The following CRACDL variants were observed in gnomAD, a reference collection of about 807,000 sequenced individuals.
CRACDL encodes the protein CRACD like, also known as CRACD-like protein.
A neutral mutation model predicts 70.6 loss-of-function variants in CRACDL; 26 were observed. The observed-to-expected ratio is 0.37, with a 90% confidence interval of 0.27 to 0.51. The LOEUF (loss-of-function observed/expected upper bound fraction) is 0.51. Among genes scored for constraint, CRACDL ranks in the 20% least tolerant of loss-of-function variants. The pLI, the probability that CRACDL is intolerant of heterozygous loss-of-function variation, is 0.94. For synonymous variants in CRACDL, 618 were observed against 615.2 expected, an observed-to-expected ratio of 1.00 and a Z score of -0.07; for missense variants, 1,283 against 1,376.9, an observed-to-expected ratio of 0.93 and a Z score of 1.08.
chr2:98,823,069 A>G lies in CRACDL; in HGVS notation c.1204T>C (p.Phe402Leu). 1 of 1,569,014 alleles carries G rather than the reference A, an allele frequency of 6.4e-7. No homozygotes were observed. The highest frequency in any genetic ancestry group is 8.6e-7 in the Non-Finnish European group (1 of 1,160,896). The change falls in exon 7 of 10, where the codon TTT becomes CTT. Residue 402 changes from phenylalanine to leucine, a missense_variant. Around this residue, in one of 2 missense-constraint regions of CRACDL, gnomAD observed 921 missense variants for 881.9 expected, o/e 1.04. Transcript: ENST00000397899. The surrounding 1 kb of genome is among the most constrained non-coding windows in gnomAD (Gnocchi z 4.0). ...TCCCCCTCAGGGATGGCGGTGGGAA[A>G]CGGGCTCGCGACGTCTTCGGGAGCA... ...VCAPEDVASP[F>L]PTAIPEGDTT... is the part of the protein sequence containing the mutation.
At chr2:98,864,465 C>A (rs1707053580) in intron 1 of CRACDL, among the ~76,000 whole-genome samples, 2 of 151,578 alleles carry the variant, frequency 1.3e-5, no homozygotes, top group South Asian at 4.2e-4. Context: ...CACAAGGTTT[C>A]TTTCTGGGGA....
chr2:98,817,115 TACATGATC>T (rs1250730620), intron 7 of CRACDL, among the ~76,000 whole-genome samples: 1 of 152,222 alleles, frequency 6.6e-6, no homozygotes, highest in Non-Finnish European at 1.5e-5. Context: ...GGACAAGTAT[TACATGATC>T]ACATTTCTAT....
rs200373942 is a variant in CRACDL, at chr2:98,906,260, C to CTT, written c.-11+29676_-11+29677dup. Among the ~76,000 whole-genome samples, 14 of 139,172 alleles carry CTT rather than the reference C, an allele frequency of 1.0e-4. No individual in the cohort carries two copies. In the East Asian group the frequency reaches 1.7e-3, roughly 17 times the overall value. 91.3% of individuals were successfully genotyped at this position (139,172 alleles called of 152,430 possible). A position where few individuals can be genotyped will look rare whatever the true frequency, so the allele number is the denominator to read the frequency against. On this transcript the variant is annotated intron_variant, in intron 1 of 9. Transcript: ENST00000397899. ...TGAATTCTTTTTATTTTTTCTTTTC[C>CTT]TTTTTTTTTTTTTTTTGTTTGAGAC...
chr2:98,821,075 A>G (rs1245840891), intron 7 of CRACDL, among the ~76,000 whole-genome samples: 1 of 152,222 alleles, frequency 6.6e-6, no homozygotes, highest in Non-Finnish European at 1.5e-5. Context: ...TGAGAGTCCT[A>G]TCAAAATCAG....
intron 5 of CRACDL, among the ~76,000 whole-genome samples, chr2:98,831,081 C>T (rs1257317844): frequency 2.6e-5 from 4 of 152,192 alleles, no homozygotes; most frequent in African/African-American, 9.7e-5. Context: ...TCGGTGAAGT[C>T]TATGAAATAG....
rs570569883 is a variant in CRACDL at position 98,900,987 on chromosome 2, C to T, written c.-11+34951G>A. On this transcript the variant is annotated intron_variant, in intron 1 of 9. Coordinates refer to ENST00000397899, the MANE Select transcript of CRACDL (RefSeq NM_207362.3). ...GGAAGTCAAGCTCCAGAGGAAGGAG[C>T]GCTGAGCCCTTCCCCTCACTTAGGA... Among the ~76,000 whole-genome samples the T allele has an allele frequency of 4.6e-5, 7 of 152,318 alleles. No individual in the cohort carries two copies. In the South Asian group the frequency reaches 1.4e-3, roughly 32 times the overall value.
chr2:98,797,467 G>A lies in CRACDL; in HGVS notation c.2487C>T (p.Val829=). ...DGQPAPPWIT[V]TRQKRRGTLD... is the part of the protein sequence containing the mutation. The stretch of plus-strand genomic sequence containing the variant: ...AGGTCCCCCTCCGCTTCTGCCGAGT[G>A]ACGGTGATCCAGGGTGGCGCAGGCT... Residue 829 remains valine (V), a synonymous_variant, in exon 8 of 10, where the codon GTC becomes GTT. Coordinates refer to ENST00000397899, the MANE Select transcript of CRACDL (RefSeq NM_207362.3). 1 of 1,614,256 alleles carries A rather than the reference G, an allele frequency of 6.2e-7. No individual in the cohort carries two copies. Among genetic ancestry groups the A allele is most frequent in the East Asian group, 2.2e-5 (1 of 44,888 alleles).
chr2:98,903,609 C>T (rs192966948), intron 1 of CRACDL, among the ~76,000 whole-genome samples: 122 of 152,314 alleles, frequency 8.0e-4, no homozygotes, highest in Admixed American at 4.2e-3. Flanking sequence ...ATTTAAACTA[C>T]TGCAAACACT....
At chr2:98,886,892 G>A (rs944398041) in intron 1 of CRACDL, among the ~76,000 whole-genome samples, 11 of 152,214 alleles carry the variant, frequency 7.2e-5, no homozygotes, top group African/African-American at 2.4e-4. Context: ...CACATATAGG[G>A]AGCCCAGTCA....
intron 1 of CRACDL, among the ~76,000 whole-genome samples, chr2:98,909,556 G>A (rs1708494231): frequency 6.6e-6 from 1 of 152,190 alleles, no homozygotes; most frequent in Non-Finnish European, 1.5e-5. Context: ...AAATTGAGCT[G>A]TCAGGCTGCA....
intron 1 of CRACDL, among the ~76,000 whole-genome samples, chr2:98,910,073 G>C (rs183260233): frequency 6.6e-6 from 1 of 152,246 alleles, no homozygotes; most frequent in East Asian, 1.9e-4. Context: ...ACCTCGGAAG[G>C]ATGGCTCTGT....
chr2:98,902,145 G>A (rs1029930161), intron 1 of CRACDL, among the ~76,000 whole-genome samples: 4 of 152,180 alleles, frequency 2.6e-5, no homozygotes, highest in Non-Finnish European at 4.4e-5. Flanking sequence ...GAAACAGCTC[G>A]CAAATGAGAT....
rs1414165339 is a variant in CRACDL, at chr2:98,823,405, C to T, written c.868G>A (p.Gly290Ser). The change falls in exon 7 of 10, where the codon GGC becomes AGC. Residue 290 changes from glycine (G) to serine (S), a missense_variant. Coordinates refer to ENST00000397899, the MANE Select transcript of CRACDL (RefSeq NM_207362.3). This position sits in a 1 kb window ranked among gnomAD's most constrained non-coding sequence, Gnocchi z 4.0. ...GGCGCCGGTGGCCCAGGCTCAGGGC[C>T]TCTGTCTGGCGCCACGTCCTGCTGC... is the stretch of plus-strand genomic sequence containing the variant. ...SGQQDVAPDR[G>S]PEPGPPAPLP... The T allele has an allele frequency of 3.2e-6, 5 of 1,559,546 alleles. No homozygotes were observed. Among genetic ancestry groups the T allele is most frequent in the Middle Eastern group, 1.8e-4 (1 of 5,646 alleles).
At chr2:98,859,409 A>G (rs1483699018) in intron 1 of CRACDL, among the ~76,000 whole-genome samples, 1 of 152,216 alleles carries the variant, frequency 6.6e-6, no homozygotes, top group East Asian at 1.9e-4. Flanking sequence ...AAACTCCTCA[A>G]CAGAATACTG....
rs1374661973 is a variant in CRACDL at position 98,822,475 on chromosome 2, G to A, written c.1798C>T (p.Leu600Phe). The A allele has an allele frequency of 4.8e-6, 7 of 1,472,574 alleles. No individual in the cohort carries two copies. The highest frequency in any genetic ancestry group is 6.2e-6 in the Non-Finnish European group (7 of 1,120,012). The allele number at this position is 1,472,574 out of a possible 1,614,324, so 91.2% of individuals were successfully genotyped here. A position where few individuals can be genotyped will look rare whatever the true frequency, so the allele number is the denominator to read the frequency against. Residue 600 changes from leucine (L) to phenylalanine (F), a missense_variant, in exon 7 of 10, where the codon CTC becomes TTC. Physicochemically the swap from Leu to Phe is conservative, Grantham distance 22. Coordinates refer to ENST00000397899, the MANE Select transcript of CRACDL (RefSeq NM_207362.3). This position sits in a 1 kb window ranked among gnomAD's most constrained non-coding sequence, Gnocchi z 4.9. The part of the protein sequence containing the change: ...PLERASGRLP[L>F]ARSGPVWRSE... Reference sequence around the variant, plus strand: ...CTCCAGACCGGGCCGCTCCTCGCGAGGGGCAGGCGGCCGCTGGCCCGTTCC... The same window carrying A: ...CTCCAGACCGGGCCGCTCCTCGCGAAGGGCAGGCGGCCGCTGGCCCGTTCC...
chr2:98,930,262 G>A (rs1336845400), intron 1 of CRACDL, among the ~76,000 whole-genome samples: 1 of 151,878 alleles, frequency 6.6e-6, no homozygotes, highest in Non-Finnish European at 1.5e-5. Context: ...CAGGACACAC[G>A]GATGCTTTCC....
At chr2:98,847,678 T>C (rs559003489) in intron 1 of CRACDL, among the ~76,000 whole-genome samples, 1 of 152,330 alleles carries the variant, frequency 6.6e-6, no homozygotes, top group Admixed American at 6.5e-5. Context: ...GTCCATGCCT[T>C]CCATAACTGA....
chr2:98,829,234 G>A (rs968121358), intron 5 of CRACDL, among the ~76,000 whole-genome samples: 5 of 152,230 alleles, frequency 3.3e-5, no homozygotes, highest in Non-Finnish European at 5.9e-5. Flanking sequence ...TCCTGCTTGG[G>A]CAGATGTCTT....
intron 1 of CRACDL, among the ~76,000 whole-genome samples, chr2:98,882,526 G>A (rs1000096215): frequency 5.3e-5 from 8 of 152,180 alleles, no homozygotes; most frequent in African/African-American, 7.2e-5. Context: ...AGGAAGCACC[G>A]CACAATGAAG....
Sources: gnomAD v4.1 joint callset for allele counts (sites outside exome capture counted in the v4.1 genomes callset) on GRCh38, gnomAD v4.1.1 for gene constraint, gnomAD v4.1.1 regional missense constraint, Gnocchi (gnomAD v3.1) non-coding constraint, MANE v1.5 for transcripts, NCBI Gene and HGNC (gene_info 2026-07-23, HGNC 2026-07-21) for gene names.